The following MCC variants were observed in gnomAD, a reference collection of about 807,000 sequenced individuals.
MCC encodes MCC regulator of Wnt signaling pathway, also known as colorectal mutant cancer protein.
Under a neutral mutation model 116.2 loss-of-function variants are expected in MCC, and 90 were observed. That is an observed-to-expected ratio of 0.77 (90% CI 0.65 to 0.92). MCC has a LOEUF of 0.92. MCC is among the 40% of genes least tolerant of loss of function. The probability of loss-of-function intolerance (pLI) is 0.00; values close to 1 mark genes in which losing one functional copy is unlikely to be tolerated. For missense variants in MCC, 1,516 were observed against 1,312.2 expected (o/e 1.16, Z -2.40); for synonymous variants, 578 against 510.5 (o/e 1.13, Z -1.78).
chr5:113,449,705 A>G (rs1260587902), intron 1 of MCC, among the ~76,000 whole-genome samples: 3 of 152,228 alleles, frequency 2.0e-5, no homozygotes, highest in Non-Finnish European at 2.9e-5. Flanking sequence ...CATGTGTTAT[A>G]GCTGTTACAT....
chr5:113,081,741 A>G (rs1157835379), intron 11 of MCC, among the ~76,000 whole-genome samples: 1 of 148,958 alleles, frequency 6.7e-6, no homozygotes, highest in Non-Finnish European at 1.5e-5. Context: ...TTTAATAAGG[A>G]AACCATTTAA....
intron 6 of MCC, among the ~76,000 whole-genome samples, chr5:113,115,169 G>A (rs975981141): frequency 6.6e-6 from 1 of 152,266 alleles, no homozygotes; most frequent in South Asian, 2.1e-4. Flanking sequence ...ACTTGTTCCG[G>A]CCCCTGCACA....
At chr5:113,321,548 A>G (rs921550718) in intron 3 of MCC, among the ~76,000 whole-genome samples, 1 of 152,228 alleles carries the variant, frequency 6.6e-6, no homozygotes, top group African/African-American at 2.4e-5. Context: ...TTCTGTAGTT[A>G]AAACTTAAAG....
At chr5:113,368,953 C>G (rs968860292) in intron 2 of MCC, among the ~76,000 whole-genome samples, 1 of 152,172 alleles carries the variant, frequency 6.6e-6, no homozygotes, top group Non-Finnish European at 1.5e-5. Context: ...GATTAATTTG[C>G]TAGAGTGGCT....
intron 4 of MCC, among the ~76,000 whole-genome samples, chr5:113,151,105 G>C (rs1027856477): frequency 1.3e-5 from 2 of 152,206 alleles, no homozygotes; most frequent in South Asian, 2.1e-4. Flanking sequence ...GGACTTCGTA[G>C]CTTCTGGAAC....
At chr5:113,218,408 A>G (rs150946818) in intron 3 of MCC, among the ~76,000 whole-genome samples, 1 of 152,086 alleles carries the variant, frequency 6.6e-6, no homozygotes, top group Non-Finnish European at 1.5e-5. Flanking sequence ...TGATCTGCTG[A>G]GTGCCTCCGC....
chr5:113,452,682 A>C (rs1397226489), intron 1 of MCC, among the ~76,000 whole-genome samples: 1 of 152,224 alleles, frequency 6.6e-6, no homozygotes, highest in Non-Finnish European at 1.5e-5. Flanking sequence ...ATTTGCAGAC[A>C]ATCTATTAAT....
At chr5:113,137,936 G>A (rs1343588614) in intron 5 of MCC, among the ~76,000 whole-genome samples, 4 of 109,146 alleles carry the variant, frequency 3.7e-5, no homozygotes, top group Non-Finnish European at 7.9e-5. Flanking sequence ...AACCTGCATT[G>A]TCTGATTCTT....
Position 113,105,532 on chromosome 5 carries a change from T to TC in MCC, c.1028-1178dup, listed in dbSNP as rs558472027. Among the ~76,000 whole-genome samples, 169 of 152,248 alleles carry TC rather than the reference T, an allele frequency of 1.1e-3. 2 individuals carry two copies. The South Asian group carries it at 0.014, about 13-fold the overall frequency. On this transcript the variant is annotated intron_variant, in intron 6 of 18. Transcript: ENST00000408903. ...CTCAAACCTGTTCCTCCCCGATCTC[T>TC]CCCATCTCCATGAATGGCACCCCTA... is the stretch of plus-strand genomic sequence containing the variant.
chr5:113,104,073 G>T, intron 7 of MCC, 119 bp downstream of exon 7: 1 of 1,050,540 alleles, frequency 9.5e-7, no homozygotes, highest in Non-Finnish European at 1.3e-6. Context: ...CTATTGTATG[G>T]CTCTCATGGA....
intron 6 of MCC, among the ~76,000 whole-genome samples, chr5:113,112,723 CA>C (rs1757170230): frequency 6.6e-6 from 1 of 152,130 alleles, no homozygotes; most frequent in Non-Finnish European, 1.5e-5. Context: ...CAGAGACTCA[CA>C]GTGCTGGGCA....
At chr5:113,426,795 G>A (rs1015788672) in intron 1 of MCC, among the ~76,000 whole-genome samples, 2 of 152,092 alleles carry the variant, frequency 1.3e-5, no homozygotes, top group African/African-American at 4.8e-5. Context: ...TGATGGGGAT[G>A]GATTTAATTG....
chr5:113,182,000 G>A (rs1729246336), intron 3 of MCC, among the ~76,000 whole-genome samples: 1 of 152,116 alleles, frequency 6.6e-6, no homozygotes, highest in Admixed American at 6.5e-5. Context: ...GCCAGGCCCT[G>A]ATGTGCTAAC....
intron 3 of MCC, among the ~76,000 whole-genome samples, chr5:113,163,470 A>G (rs979804974): frequency 2.7e-5 from 4 of 150,320 alleles, no homozygotes; most frequent in Non-Finnish European, 5.9e-5. Context: ...CAGATCACCT[A>G]TTCTCCCCCA....
chr5:113,164,765 G>A (rs1259219512), intron 3 of MCC, among the ~76,000 whole-genome samples: 2 of 152,182 alleles, frequency 1.3e-5, no homozygotes, highest in Non-Finnish European at 2.9e-5. Context: ...ATCTGGTGTG[G>A]GCTAAGGGAG....
chr5:113,419,297 A>G (rs1383031457), intron 1 of MCC, among the ~76,000 whole-genome samples: 3 of 151,792 alleles, frequency 2.0e-5, no homozygotes, highest in Non-Finnish European at 4.4e-5. Flanking sequence ...TGGCCTCCCA[A>G]GTAGCTGGGA....
At chr5:113,169,644 G>A (rs1352068887) in intron 3 of MCC, among the ~76,000 whole-genome samples, 2 of 151,270 alleles carry the variant, frequency 1.3e-5, no homozygotes, top group Admixed American at 1.3e-4. Flanking sequence ...GTCACATTCT[G>A]GCCATGGGGA....
At chr5:113,331,529 A>T (rs1469454230) in intron 3 of MCC, among the ~76,000 whole-genome samples, 1 of 151,736 alleles carries the variant, frequency 6.6e-6, no homozygotes, top group Non-Finnish European at 1.5e-5. Flanking sequence ...CCCTGTTTTT[A>T]AAATAAAAAG....
intron 3 of MCC, among the ~76,000 whole-genome samples, chr5:113,275,965 G>GTTTTTTTTTTTTT (rs1194323460): frequency 8.3e-6 from 1 of 121,032 alleles, no homozygotes. Flanking sequence ...GATTTCACTT[G>GTTTTTTTTTTTTT]TTTTGTTTTT....
Sources: allele counts gnomAD v4.1 joint callset (sites outside exome capture counted in the v4.1 genomes callset), GRCh38; gene constraint gnomAD v4.1.1; transcripts MANE v1.5; gene names NCBI Gene and HGNC (gene_info 2026-07-23, HGNC 2026-07-21).